Variants in YPEL1 observed in about 807,000 individuals in gnomAD.
YPEL1 encodes yippee like 1.
In YPEL1, 7 loss-of-function variants were observed where a neutral mutation model predicts 17.3. The ratio of observed to expected loss-of-function variants is 0.40; its 90% CI spans 0.23 to 0.76. YPEL1 has a LOEUF of 0.76. YPEL1 is among the 30% of genes least tolerant of loss of function. YPEL1 has a pLI of 0.35. For synonymous variants in YPEL1, 59 were observed against 59.6 expected (o/e 0.99, Z 0.05); for missense variants, 91 against 155.5 (o/e 0.59, Z 2.21).
At position 21,698,198 on chromosome 22, in the gene YPEL1, G is replaced by A. The variant is rs1302573875; in HGVS notation, c.*2931C>T. On this transcript the variant is annotated 3_prime_UTR_variant, in exon 5 of 5. Transcript: ENST00000339468. ...TGGTCTGTTCATTTGGTTTAAAAAT[G>A]AGCTTGTATTTTGCAGAAGCCCAAC... is the stretch of plus-strand genomic sequence containing the variant. 1 of 147,938 alleles carries A rather than the reference G, an allele frequency of 6.8e-6. No homozygotes were observed. The highest frequency in any genetic ancestry group is 1.5e-5 in the Non-Finnish European group (1 of 67,444). 9.2% of individuals were successfully genotyped at this position (147,938 alleles called of 1,614,324 possible).
intron 4 of YPEL1, among the ~76,000 whole-genome samples, chr22:21,702,347 G>A (rs919236476): frequency 4.6e-5 from 7 of 152,184 alleles, no homozygotes; most frequent in African/African-American, 1.2e-4. Context: ...CTAGGGATGC[G>A]TGCTAGTCTT....
At chr22:21,730,186 A>G (rs770556076) in intron 1 of YPEL1, among the ~76,000 whole-genome samples, 11 of 151,960 alleles carry the variant, frequency 7.2e-5, no homozygotes, top group Non-Finnish European at 1.3e-4. Context: ...GTTTAACCAA[A>G]AGAGACTGGC....
Position 21,701,016 on chromosome 22 carries a change from AGCCTT to A in YPEL1, c.*108_*112del. ...AGAGTGTCAAGAGCTATGCGCAGCT[AGCCTT>A]TGAGGTCAGAGGGCAAGAAAGGCTG... is the stretch of plus-strand genomic sequence containing the variant. On this transcript the variant is annotated 3_prime_UTR_variant, in exon 5 of 5. Transcript: ENST00000339468. The A allele has an allele frequency of 1.1e-6, 1 of 884,000 alleles. No homozygotes were observed. The highest frequency in any genetic ancestry group is 1.5e-5 in the South Asian group (1 of 65,260). The allele number at this position is 884,000 out of a possible 1,614,324, so 54.8% of individuals were successfully genotyped here.
At chr22:21,734,044 C>T (rs2068413734) in intron 1 of YPEL1, among the ~76,000 whole-genome samples, 1 of 152,100 alleles carries the variant, frequency 6.6e-6, no homozygotes, top group Admixed American at 6.6e-5. Context: ...AAGTGAGACC[C>T]CAGTCTCTAC....
intron 1 of YPEL1, among the ~76,000 whole-genome samples, chr22:21,719,987 G>T (rs950673195): frequency 1.3e-5 from 2 of 149,668 alleles, no homozygotes; most frequent in Non-Finnish European, 1.5e-5. Flanking sequence ...ACTCCAGCGT[G>T]GGTGACAGAG....
At chr22:21,726,811 G>C (rs183393840) in intron 1 of YPEL1, among the ~76,000 whole-genome samples, 8 of 152,254 alleles carry the variant, frequency 5.3e-5, no homozygotes, top group Admixed American at 2.0e-4. Context: ...GACAGATGCA[G>C]CGACAAGCTC....
intron 1 of YPEL1, among the ~76,000 whole-genome samples, chr22:21,720,755 C>T (rs1330204599): frequency 2.6e-5 from 4 of 151,396 alleles, no homozygotes; most frequent in Admixed American, 6.6e-5. Flanking sequence ...CTCCCACCCA[C>T]CACGGCTTCC....
At chr22:21,734,947 T>A (rs2068422338) in intron 1 of YPEL1, among the ~76,000 whole-genome samples, 1 of 152,090 alleles carries the variant, frequency 6.6e-6, no homozygotes, top group Admixed American at 6.6e-5. Context: ...AGAAAAAGCG[T>A]GGGGCGGGGA....
At chr22:21,701,317 T>C (rs1162025953) in intron 4 of YPEL1, 99 bp from the exon 5 acceptor site, 2 of 860,160 alleles carry the variant, frequency 2.3e-6, no homozygotes, top group African/African-American at 3.4e-5. Flanking sequence ...TACTATGAAC[T>C]ATATACCCAG....
chr22:21,705,958 C>T (rs750494880), intron 2 of YPEL1, among the ~76,000 whole-genome samples: 74 of 151,702 alleles, frequency 4.9e-4, no homozygotes, highest in Non-Finnish European at 2.5e-4. Context: ...GGAGAAATCC[C>T]GTCTCTGATA....
At position 21,698,281 on chromosome 22, in the gene YPEL1, A is replaced by G. The variant is rs1012863751; in HGVS notation, c.*2848T>C. On this transcript the variant is annotated 3_prime_UTR_variant, in exon 5 of 5. Transcript: ENST00000339468. ...AATTACAAAAAAAAAAAAAAATACA[A>G]AAGTCATAAGACTACTAGTAAAAAA... 2 of 151,952 alleles carry G rather than the reference A, an allele frequency of 1.3e-5. No homozygotes were observed. The highest frequency in any genetic ancestry group is 2.1e-4 in the South Asian group (1 of 4,818). The allele number at this position is 151,952 out of a possible 1,614,324, so 9.4% of individuals were successfully genotyped here.
At position 21,701,134 on chromosome 22, in the gene YPEL1, C is replaced by G. The variant is rs374724181; in HGVS notation, c.355G>C (p.Glu119Gln). The G allele has an allele frequency of 2.5e-6, 4 of 1,613,276 alleles. No homozygotes were observed. Among genetic ancestry groups the G allele is most frequent in the Non-Finnish European group, 2.5e-6 (3 of 1,179,420 alleles). The change falls in exon 5 of 5, where the codon GAG becomes CAG. Residue 119 changes from glutamate to glutamine, a missense_variant. By Grantham distance (29) the Glu-to-Gln change is conservative. Transcript: ENST00000339468. ...LAHMIKDNGW[E>Q] ...GAGAAGGGAAAGTTCGCACATTACTCCCAGCCATTGTCTTTGATCATATGA... is the reference window on the plus strand; with the variant it reads ...GAGAAGGGAAAGTTCGCACATTACTGCCAGCCATTGTCTTTGATCATATGA...
chr22:21,698,961 A>AGAT lies in YPEL1; in HGVS notation c.*2165_*2167dup, dbSNP rs1194810240. On this transcript the variant is annotated 3_prime_UTR_variant, in exon 5 of 5. Coordinates refer to ENST00000339468, the MANE Select transcript of YPEL1 (RefSeq NM_013313.5). Reference sequence around the variant, plus strand: ...AGATTTCCTTCCTTTCCTAAGTGGAAGATGTGCTTTAAAGGAACTTCTGCC... The same window carrying AGAT: ...AGATTTCCTTCCTTTCCTAAGTGGAAGATGATGTGCTTTAAAGGAACTTCTGCC... The AGAT allele has an allele frequency of 1.3e-5, 2 of 152,446 alleles. No homozygotes were observed. Among genetic ancestry groups the AGAT allele is most frequent in the African/African-American group, 4.8e-5 (2 of 41,476 alleles). 9.4% of individuals were successfully genotyped at this position (152,446 alleles called of 1,614,324 possible).
chr22:21,717,376 CAAA>C (rs751720152), intron 1 of YPEL1, among the ~76,000 whole-genome samples: 1 of 61,472 alleles, frequency 1.6e-5, no homozygotes, highest in Non-Finnish European at 3.6e-5. Context: ...TAGTCCGTCT[CAAA>C]AAAAAAAAAA....
chr22:21,703,970 G>GGCT lies in YPEL1; in HGVS notation c.118-91_118-89dup. On this transcript the variant is annotated intron_variant, in intron 2 of 4. Coordinates refer to ENST00000339468, the MANE Select transcript of YPEL1 (RefSeq NM_013313.5). The surrounding 1 kb of genome is among the most constrained non-coding windows in gnomAD (Gnocchi z 6.1). ...CAGAACCAGGGGAGTCCAGCCCCGCGGCTGTTAGCTGCGCCGGGACGCGTC... is the reference window on the plus strand; with the variant it reads ...CAGAACCAGGGGAGTCCAGCCCCGCGGCTGCTGTTAGCTGCGCCGGGACGCGTC... 1 of 1,459,666 alleles carries GGCT rather than the reference G, an allele frequency of 6.9e-7. No individual in the cohort carries two copies. Among genetic ancestry groups the GGCT allele is most frequent in the Non-Finnish European group, 9.4e-7 (1 of 1,062,848 alleles). 90.4% of individuals were successfully genotyped at this position (1,459,666 alleles called of 1,614,324 possible).
At chr22:21,713,572 T>C (rs1355542222) in intron 1 of YPEL1, among the ~76,000 whole-genome samples, 2 of 152,188 alleles carry the variant, frequency 1.3e-5, no homozygotes, top group Non-Finnish European at 2.9e-5. Context: ...CAGAAAGAGC[T>C]GCCAGGGGCA....
chr22:21,722,902 A>T (rs1329466301), intron 1 of YPEL1: 4 of 152,020 alleles, frequency 2.6e-5, no homozygotes, highest in Non-Finnish European at 5.9e-5. Flanking sequence ...TTTTTTAAAT[A>T]TGCTGCCCAG....
chr22:21,731,878 C>A (rs1341740356), intron 1 of YPEL1, among the ~76,000 whole-genome samples: 1 of 152,200 alleles, frequency 6.6e-6, no homozygotes, highest in Non-Finnish European at 1.5e-5. Context: ...GGGGGATGAT[C>A]CTTGGGCACA....
chr22:21,733,147 T>A (rs2068404485), intron 1 of YPEL1, among the ~76,000 whole-genome samples: 1 of 151,970 alleles, frequency 6.6e-6, no homozygotes, highest in South Asian at 2.1e-4. Flanking sequence ...CTGGGCACTG[T>A]GGCTTACACC....
Sources: gnomAD v4.1 joint callset for allele counts (sites outside exome capture counted in the v4.1 genomes callset) on GRCh38, gnomAD v4.1.1 for gene constraint, Gnocchi (gnomAD v3.1) non-coding constraint, MANE v1.5 for transcripts, NCBI Gene and HGNC (gene_info 2026-07-23, HGNC 2026-07-21) for gene names.